CCDC30: variants seen among roughly 807,000 people sequenced by gnomAD.
CCDC30 encodes coiled-coil domain containing 30, also known as coiled-coil domain-containing protein 30.
Under a neutral mutation model 100.2 loss-of-function variants are expected in CCDC30, and 70 were observed. That is an observed-to-expected ratio of 0.70 (90% CI 0.58 to 0.85). CCDC30 has a LOEUF of 0.85. CCDC30 is among the 40% of genes least tolerant of loss of function. The pLI is 0.00. For missense variants in CCDC30, 652 were observed against 771.2 expected (o/e 0.85, Z 1.83); for synonymous variants, 233 against 269.5 (o/e 0.86, Z 1.33).
chr1:42,535,173 C>T (rs1644871739), intron 6 of CCDC30, among the ~76,000 whole-genome samples: 1 of 151,898 alleles, frequency 6.6e-6, no homozygotes, highest in Admixed American at 6.6e-5. Flanking sequence ...AGTAAGGAGC[C>T]CATTTACTAA....
chr1:42,560,949 T>C (rs1340344600), intron 6 of CCDC30, among the ~76,000 whole-genome samples: 2 of 152,174 alleles, frequency 1.3e-5, no homozygotes, highest in Non-Finnish European at 2.9e-5. Flanking sequence ...AGCTCTGAAA[T>C]TGAGGCAGTA....
At chr1:42,459,658 C>A (rs1374120878), upstream of CCDC30, 3 of 1,614,100 alleles carry the variant, frequency 1.9e-6, no homozygotes, top group East Asian at 6.7e-5. Flanking sequence ...GATTGGGCTC[C>A]CAAAGCATTT....
chr1:42,595,626 A>C (rs1646271613), intron 10 of CCDC30: 1 of 152,204 alleles, frequency 6.6e-6, no homozygotes, highest in African/African-American at 2.4e-5. Flanking sequence ...CACTGAGAGC[A>C]AATTGTCATT....
intron 6 of CCDC30, chr1:42,500,283 C>T: frequency 1.9e-6 from 3 of 1,610,866 alleles, no homozygotes; most frequent in Non-Finnish European, 2.5e-6. Context: ...TCTCTGTCTT[C>T]TTCAGTTTCG....
intron 10 of CCDC30, chr1:42,592,129 G>A (rs1156519269): frequency 6.6e-6 from 1 of 152,220 alleles, no homozygotes; most frequent in Non-Finnish European, 1.5e-5. Context: ...AAGAGACTTA[G>A]GACTTTGGAC....
At chr1:42,466,847 C>T (rs1318014223) in intron 1 of CCDC30, among the ~76,000 whole-genome samples, 2 of 152,118 alleles carry the variant, frequency 1.3e-5, no homozygotes, top group Non-Finnish European at 2.9e-5. Flanking sequence ...CCTCTGCGCC[C>T]GGCCAAGAAT....
intron 11 of CCDC30, among the ~76,000 whole-genome samples, chr1:42,615,869 C>T (rs142884222): frequency 1.3e-3 from 204 of 151,980 alleles, no homozygotes; most frequent in African/African-American, 4.9e-3. Flanking sequence ...TTTAAGTGCA[C>T]TTATAGACAG....
At chr1:42,561,509 G>A (rs938875294) in intron 6 of CCDC30, among the ~76,000 whole-genome samples, 1 of 152,068 alleles carries the variant, frequency 6.6e-6, no homozygotes, top group African/African-American at 2.4e-5. Context: ...CATATTGAAT[G>A]GGCAAAAGCT....
chr1:42,516,194 A>G (rs967447912), intron 6 of CCDC30, among the ~76,000 whole-genome samples: 10 of 152,188 alleles, frequency 6.6e-5, no homozygotes, highest in Admixed American at 3.9e-4. Flanking sequence ...TCTCCACATC[A>G]TTGCCAACAT....
the CCDC30 span, chr1:42,456,775 C>T: frequency 6.2e-7 from 1 of 1,612,696 alleles, no homozygotes; most frequent in Non-Finnish European, 8.5e-7. Context: ...CAACCTCGGC[C>T]GAGGCCTTCC....
intron 6 of CCDC30, among the ~76,000 whole-genome samples, chr1:42,519,887 A>C (rs1022373861): frequency 6.6e-6 from 1 of 152,152 alleles, no homozygotes; most frequent in Non-Finnish European, 1.5e-5. Flanking sequence ...CATTTAGGTC[A>C]TCCAGTTTCT....
intron 7 of CCDC30, among the ~76,000 whole-genome samples, chr1:42,569,777 C>T (rs575887956): frequency 2.2e-4 from 33 of 152,290 alleles, no homozygotes; most frequent in East Asian, 5.8e-4. Flanking sequence ...ACATATACAC[C>T]GTGGAATAAT....
chr1:42,607,555 T>TTAAAA (rs1646525453), intron 10 of CCDC30, among the ~76,000 whole-genome samples: 1 of 89,796 alleles, frequency 1.1e-5, no homozygotes, highest in African/African-American at 3.8e-5. Context: ...CTTGTCTCTA[T>TTAAAA]AAAAAAAAAA....
intron 10 of CCDC30, among the ~76,000 whole-genome samples, chr1:42,610,666 A>G (rs1343227122): frequency 1.3e-5 from 2 of 152,092 alleles, no homozygotes; most frequent in East Asian, 3.8e-4. Context: ...CTCAAGCTAT[A>G]TGCCTGCCTC....
chr1:42,569,997 G>A (rs1433466629), intron 7 of CCDC30, among the ~76,000 whole-genome samples: 3 of 152,032 alleles, frequency 2.0e-5, no homozygotes, highest in African/African-American at 7.3e-5. Context: ...ACAAGGGGAG[G>A]GATAGCATTA....
rs1036504274 is a variant in CCDC30 at position 42,504,737 on chromosome 1, C to T, written c.456+5821C>T. ...GCAATTATTAATTCTTTTGTGACTT[C>T]CACAGACCGTTTATGACATGTTTAA... On this transcript the variant is annotated intron_variant, in intron 6 of 16. Coordinates refer to ENST00000668663, the Ensembl canonical transcript of CCDC30. Among the ~76,000 whole-genome samples the T allele has an allele frequency of 9.2e-5, 14 of 152,312 alleles. No individual in the cohort carries two copies. The East Asian group carries it at 2.7e-3, about 29-fold the overall frequency.
intron 11 of CCDC30, among the ~76,000 whole-genome samples, chr1:42,628,939 T>C (rs1216355873): frequency 6.6e-6 from 1 of 152,236 alleles, no homozygotes; most frequent in Non-Finnish European, 1.5e-5. Flanking sequence ...CCTAACTTCA[T>C]CCCTCCACTT....
intron 12 of CCDC30, among the ~76,000 whole-genome samples, chr1:42,641,039 C>A (rs1405990722): frequency 6.7e-6 from 1 of 149,740 alleles, no homozygotes; most frequent in African/African-American, 2.5e-5. Context: ...GAGGATAGTT[C>A]GAGGCCAGGA....
chr1:42,523,897 A>G (rs1463804101), intron 6 of CCDC30, among the ~76,000 whole-genome samples: 1 of 152,130 alleles, frequency 6.6e-6, no homozygotes, highest in East Asian at 1.9e-4. Flanking sequence ...TTTTTATTTC[A>G]GTTGTTGTAC....
Sources: allele counts gnomAD v4.1 joint callset (sites outside exome capture counted in the v4.1 genomes callset), GRCh38; gene constraint gnomAD v4.1.1; transcripts MANE v1.5; gene names NCBI Gene and HGNC (gene_info 2026-07-23, HGNC 2026-07-21).